The following CNTNAP2 variants were observed in gnomAD, a reference collection of about 807,000 sequenced individuals.
CNTNAP2 encodes contactin-associated protein-like 2.
In CNTNAP2, 98 loss-of-function variants were observed where a neutral mutation model predicts 155.2. That is an observed-to-expected ratio of 0.63 (90% CI 0.54 to 0.75). The LOEUF (loss-of-function observed/expected upper bound fraction) is 0.75. Ranked by LOEUF, CNTNAP2 falls within the 30% of genes least tolerant of loss-of-function variation. CNTNAP2 has a pLI of 0.00. For synonymous variants in CNTNAP2, 651 were observed against 631.2 expected (o/e 1.03, Z -0.47); for missense variants, 1,727 against 1,688.1 (o/e 1.02, Z -0.40).
chr7:146,844,427 A>G (rs1031339243), intron 3 of CNTNAP2, among the ~76,000 whole-genome samples: 1 of 152,138 alleles, frequency 6.6e-6, no homozygotes, highest in African/African-American at 2.4e-5. Flanking sequence ...TGCCCAAAAA[A>G]TCATTACATC....
At chr7:146,672,404 C>T (rs956555822) in intron 1 of CNTNAP2, among the ~76,000 whole-genome samples, 10 of 152,262 alleles carry the variant, frequency 6.6e-5, no homozygotes, top group African/African-American at 9.6e-5. Context: ...AGGGTGAGAA[C>T]GGGAGCTTTA....
At chr7:146,494,261 G>A (rs1797181190) in intron 1 of CNTNAP2, among the ~76,000 whole-genome samples, 1 of 151,970 alleles carries the variant, frequency 6.6e-6, no homozygotes, top group Non-Finnish European at 1.5e-5. Context: ...ATGAATCCGG[G>A]AGGCGGAGTT....
At chr7:147,258,383 C>A (rs1349234048) in intron 8 of CNTNAP2, among the ~76,000 whole-genome samples, 1 of 152,086 alleles carries the variant, frequency 6.6e-6, no homozygotes, top group Admixed American at 6.6e-5. Flanking sequence ...CTTCTAGCAA[C>A]TTGAAACTAT....
At chr7:147,401,404 T>G in intron 10 of CNTNAP2, among the ~76,000 whole-genome samples, 1 of 152,336 alleles carries the variant, frequency 6.6e-6, no homozygotes, top group Middle Eastern at 3.4e-3. Context: ...CCCAGTTTTT[T>G]TTTAATTCAA....
At chr7:148,244,688 G>A (rs1030301451) in intron 20 of CNTNAP2, among the ~76,000 whole-genome samples, 12 of 151,356 alleles carry the variant, frequency 7.9e-5, no homozygotes, top group South Asian at 2.1e-4. Context: ...TCAGCCTCCC[G>A]AGTAGCTGGG....
chr7:146,918,627 T>A (rs989435088), intron 3 of CNTNAP2, among the ~76,000 whole-genome samples: 3 of 152,192 alleles, frequency 2.0e-5, no homozygotes, highest in Non-Finnish European at 4.4e-5. Flanking sequence ...TCCTTTATCT[T>A]GAATTTAGAT....
intron 12 of CNTNAP2, among the ~76,000 whole-genome samples, chr7:147,563,960 T>A (rs765129572): frequency 3.9e-4 from 60 of 152,166 alleles, no homozygotes; most frequent in Non-Finnish European, 8.1e-4. Flanking sequence ...AGGGCATCAG[T>A]GTAGTATGGA....
chr7:146,394,258 A>G (rs1205687373), intron 1 of CNTNAP2, among the ~76,000 whole-genome samples: 2 of 152,172 alleles, frequency 1.3e-5, no homozygotes, highest in African/African-American at 4.8e-5. Flanking sequence ...GGAAATAGTC[A>G]TGAAACAAAG....
intron 13 of CNTNAP2, among the ~76,000 whole-genome samples, chr7:147,849,609 G>C (rs1427782614): frequency 6.6e-6 from 1 of 152,170 alleles, no homozygotes; most frequent in African/African-American, 2.4e-5. Context: ...CATTTGTACA[G>C]TAGAAACATG....
At chr7:148,045,353 A>G (rs1303486997) in intron 15 of CNTNAP2, among the ~76,000 whole-genome samples, 1 of 152,086 alleles carries the variant, frequency 6.6e-6, no homozygotes, top group Non-Finnish European at 1.5e-5. Flanking sequence ...TACAGCAACA[A>G]TTACCAGTTT....
chr7:146,694,028 A>T (rs79581002), intron 1 of CNTNAP2, among the ~76,000 whole-genome samples: 2,787 of 152,268 alleles, frequency 0.018, 92 homozygotes, highest in African/African-American at 0.064. Flanking sequence ...AAATCATTTC[A>T]CATAAAGTAT....
rs188590007 is a variant in CNTNAP2, at chr7:146,765,614, C to A, written c.98-8657C>A. ...GGACACATCAGGCACCTGCCTTCCT[C>A]TCATGGTATTTACAGTCCATTCAAC... is the stretch of plus-strand genomic sequence containing the variant. On this transcript the variant is annotated intron_variant, in intron 1 of 23. Transcript: ENST00000361727. Among the ~76,000 whole-genome samples the A allele has an allele frequency of 2.5e-4, 38 of 152,232 alleles. No individual in the cohort carries two copies. In the East Asian group the frequency reaches 7.4e-3, roughly 29 times the overall value.
chr7:147,262,852 C>A (rs1459450654), intron 8 of CNTNAP2, among the ~76,000 whole-genome samples: 1 of 152,152 alleles, frequency 6.6e-6, no homozygotes, highest in African/African-American at 2.4e-5. Context: ...CAAGGAAAGA[C>A]GACTCAGAAG....
At chr7:148,331,621 T>TGGATGGATGGAGTGGATGGATGGAATGGA (rs1563045795) in intron 21 of CNTNAP2, among the ~76,000 whole-genome samples, 2 of 110,440 alleles carry the variant, frequency 1.8e-5, no homozygotes. Flanking sequence ...ACGGATGGAG[T>TGGATGGATGGAGTGGATGGATGGAATGGA]CGATGGATGG....
chr7:146,934,669 GA>G (rs903307326), intron 3 of CNTNAP2, among the ~76,000 whole-genome samples: 5 of 151,916 alleles, frequency 3.3e-5, no homozygotes, highest in Admixed American at 6.6e-5. Flanking sequence ...ATTTTGAAAA[GA>G]AAAAAATGGA....
At chr7:147,497,795 A>C (rs1380742772) in intron 11 of CNTNAP2, among the ~76,000 whole-genome samples, 1 of 152,224 alleles carries the variant, frequency 6.6e-6, no homozygotes, top group Admixed American at 6.5e-5. Flanking sequence ...GCATTGGGGC[A>C]GGCCAGACTG....
At chr7:146,840,714 A>G (rs1803706075) in intron 3 of CNTNAP2, among the ~76,000 whole-genome samples, 1 of 152,146 alleles carries the variant, frequency 6.6e-6, no homozygotes, top group African/African-American at 2.4e-5. Context: ...GGAGTGCTGG[A>G]TATTTTTAAC....
chr7:147,667,634 T>C lies in CNTNAP2; in HGVS notation c.2098+28328T>C, dbSNP rs1044652334. Among the ~76,000 whole-genome samples, 9 of 152,228 alleles carry C rather than the reference T, an allele frequency of 5.9e-5. No homozygotes were observed. The South Asian group carries it at 1.2e-3, about 21-fold the overall frequency. ...TTCAGGATTTGCTTATTGTTGGTGA[T>C]GGTCCCACACATGCTCCTTTTATTG... On this transcript the variant is annotated intron_variant, in intron 13 of 23. Transcript: ENST00000361727.
At position 147,977,936 on chromosome 7, in the gene CNTNAP2, G is replaced by T. The variant is rs752756517; in HGVS notation, c.2330G>T (p.Arg777Leu). 4 of 1,613,956 alleles carry T rather than the reference G, an allele frequency of 2.5e-6. No homozygotes were observed. The highest frequency in any genetic ancestry group is 3.4e-6 in the Non-Finnish European group (4 of 1,180,010). Residue 777 changes from arginine (R) to leucine (L), a missense_variant, in exon 15 of 24, where the codon CGT (arginine) becomes CTT (leucine). Coordinates refer to ENST00000361727, the MANE Select transcript of CNTNAP2 (RefSeq NM_014141.6). ...VSQVVVGDTDRQGSEAKLSVG... is the reference protein window; with the variant it reads ...VSQVVVGDTDLQGSEAKLSVG... ...CAAGTGGTGGTTGGAGATACTGACC[G>T]TCAAGGCTCAGAAGCCAAATTGAGC...
Sources: allele counts gnomAD v4.1 joint callset (sites outside exome capture counted in the v4.1 genomes callset), GRCh38; gene constraint gnomAD v4.1.1; transcripts MANE v1.5; gene names NCBI Gene and HGNC (gene_info 2026-07-23, HGNC 2026-07-21).